Variants in PSMD1 observed in about 807,000 individuals in gnomAD.
PSMD1 encodes proteasome 26S subunit, non-ATPase 1, also known as 26S proteasome non-ATPase regulatory subunit 1.
PSMD1 carries 18 observed loss-of-function variants against 119.0 expected under a neutral mutation model. That is an observed-to-expected ratio of 0.15 (90% CI 0.10 to 0.22). PSMD1 has a LOEUF of 0.22. Among genes scored for constraint, PSMD1 ranks in the 10% least tolerant of loss-of-function variants. The probability of loss-of-function intolerance (pLI) is 1.00; values close to 1 mark genes in which losing one functional copy is unlikely to be tolerated. For missense variants in PSMD1, 702 were observed against 1,158.5 expected (o/e 0.61, Z 5.72); for synonymous variants, 374 against 396.6 (o/e 0.94, Z 0.68).
At chr2:231,138,558 G>A (rs1422408264) in intron 16 of PSMD1, among the ~76,000 whole-genome samples, 178 bp from the exon 17 acceptor site, 1 of 152,128 alleles carries the variant, frequency 6.6e-6, no homozygotes, top group Non-Finnish European at 1.5e-5. Context: ...GAATATTGAA[G>A]ATCAGATTTC....
chr2:231,149,109 T>C (rs1158606513), intron 18 of PSMD1, among the ~76,000 whole-genome samples: 1 of 152,238 alleles, frequency 6.6e-6, no homozygotes, highest in Non-Finnish European at 1.5e-5. Context: ...TAACCATTAA[T>C]ATATGTCACA....
chr2:231,061,455 G>A, intron 2 of PSMD1, 145 bp downstream of exon 2: 1 of 551,118 alleles, frequency 1.8e-6, no homozygotes, highest in East Asian at 3.3e-5. Context: ...AGAGAGGACA[G>A]TATTTTGGCC....
rs903692779 is a variant in PSMD1 at position 231,128,706 on chromosome 2, A to G, written c.1884-10030A>G. Among the ~76,000 whole-genome samples the G allele has an allele frequency of 3.3e-5, 5 of 152,240 alleles. No homozygotes were observed. The East Asian group carries it at 5.8e-4, about 18-fold the overall frequency. On this transcript the variant is annotated intron_variant, in intron 16 of 24. Transcript: ENST00000308696. Reference sequence around the variant, plus strand: ...GTCTGTGTTGCTTCCTCTGGCATTAACAGCCTATACCAGGAGTGTGATAGG... The same window carrying G: ...GTCTGTGTTGCTTCCTCTGGCATTAGCAGCCTATACCAGGAGTGTGATAGG...
At chr2:231,116,246 A>G (rs1695327242) in intron 16 of PSMD1, among the ~76,000 whole-genome samples, 1 of 152,190 alleles carries the variant, frequency 6.6e-6, no homozygotes, top group African/African-American at 2.4e-5. Context: ...TTTGCAGTGG[A>G]AACTACTAAA....
At position 231,161,331 on chromosome 2, in the gene PSMD1, T is replaced by C; in HGVS notation, c.2219-9T>C. 2 of 1,592,132 alleles carry C rather than the reference T, an allele frequency of 1.3e-6. No individual in the cohort carries two copies. The highest frequency in any genetic ancestry group is 1.7e-6 in the Non-Finnish European group (2 of 1,167,150). On this transcript the variant is annotated splice_polypyrimidine_tract_variant and intron_variant, in intron 19 of 24. Coordinates refer to ENST00000308696, the MANE Select transcript of PSMD1 (RefSeq NM_002807.4). ...TATTATTGTTCATGGTTTCTCTCTT[T>C]TTCTACAGGTGGTCATAATGTCACA...
intron 11 of PSMD1, among the ~76,000 whole-genome samples, 156 bp from the exon 12 acceptor site, chr2:231,079,985 T>G (rs1206839775): frequency 6.6e-6 from 1 of 152,204 alleles, no homozygotes; most frequent in Non-Finnish European, 1.5e-5. Context: ...CTTGTCCTCT[T>G]GTTTGAGTTA....
intron 23 of PSMD1, among the ~76,000 whole-genome samples, chr2:231,167,497 A>C (rs1696815545): frequency 6.6e-6 from 1 of 152,228 alleles, no homozygotes; most frequent in Non-Finnish European, 1.5e-5. Flanking sequence ...CAGTTGGTCC[A>C]CCTATGAATT....
chr2:231,165,356 G>A (rs1696752624), intron 22 of PSMD1, 70 bp downstream of exon 22: 2 of 1,449,970 alleles, frequency 1.4e-6, no homozygotes, highest in South Asian at 2.7e-5. Flanking sequence ...TTCTTCCTTA[G>A]TTGAATATTA....
At chr2:231,161,948 C>T (rs943701152) in intron 20 of PSMD1, among the ~76,000 whole-genome samples, 1 of 152,164 alleles carries the variant, frequency 6.6e-6, no homozygotes, top group Non-Finnish European at 1.5e-5. Flanking sequence ...AGAATGCAAA[C>T]CTAAACTAAA....
At chr2:231,080,117 C>G (rs769924489) in intron 11 of PSMD1, 24 bp from the exon 12 acceptor site, 2 of 1,567,330 alleles carry the variant, frequency 1.3e-6, no homozygotes, top group East Asian at 4.5e-5. Context: ...TTTTTGATGT[C>G]TTTGTTATGA....
chr2:231,061,286 G>A lies in PSMD1; in HGVS notation c.36G>A (p.Leu12=). 1 of 1,596,778 alleles carries A rather than the reference G, an allele frequency of 6.3e-7. No individual in the cohort carries two copies. Residue 12 remains leucine (L), a synonymous_variant, in exon 2 of 25, where the codon CTG becomes CTA. Coordinates refer to ENST00000308696, the MANE Select transcript of PSMD1 (RefSeq NM_002807.4). ...TCATAGCTGGAATTATTTCTCTTCT[G>A]GATGAAGATGAACCACAGCTTAAGG... ...ITSAAGIISL[L]DEDEPQLKEF...
At chr2:231,114,611 T>C (rs935967284) in intron 16 of PSMD1, among the ~76,000 whole-genome samples, 5 of 152,224 alleles carry the variant, frequency 3.3e-5, no homozygotes, top group African/African-American at 9.6e-5. Flanking sequence ...GTACAGACTT[T>C]TGATTTGAAA....
At chr2:231,171,188 AT>A (rs553000080) in intron 24 of PSMD1, among the ~76,000 whole-genome samples, 2 of 152,092 alleles carry the variant, frequency 1.3e-5, no homozygotes, top group African/African-American at 4.8e-5. Context: ...CTTCTCACTG[AT>A]TTTTCTCTCT....
At chr2:231,135,795 T>C (rs1458382371) in intron 16 of PSMD1, among the ~76,000 whole-genome samples, 1 of 152,214 alleles carries the variant, frequency 6.6e-6, no homozygotes, top group Middle Eastern at 3.2e-3. Context: ...CCATACTGTT[T>C]CTAATAATAC....
chr2:231,059,547 G>A (rs1360279671), intron 1 of PSMD1, among the ~76,000 whole-genome samples: 4 of 152,096 alleles, frequency 2.6e-5, no homozygotes, highest in Non-Finnish European at 5.9e-5. Context: ...GTGGGTTGGT[G>A]TTTTCTTTTT....
chr2:231,116,263 G>A (rs2125219394), intron 16 of PSMD1, among the ~76,000 whole-genome samples: 1 of 152,088 alleles, frequency 6.6e-6, no homozygotes, highest in East Asian at 1.9e-4. Flanking sequence ...TAAAAATGAG[G>A]GTACATCTTG....
chr2:231,145,869 G>A (rs79318913), intron 17 of PSMD1, among the ~76,000 whole-genome samples: 11,813 of 140,238 alleles, frequency 0.084, 619 homozygotes, highest in South Asian at 0.2. Context: ...CTCCAGTCTG[G>A]GTGACAAGAG....
At chr2:231,074,632 C>A (rs1694118028) in intron 7 of PSMD1, among the ~76,000 whole-genome samples, 1 of 151,854 alleles carries the variant, frequency 6.6e-6, no homozygotes, top group Non-Finnish European at 1.5e-5. Flanking sequence ...TTCCTAATTT[C>A]TCTTGTTTTG....
intron 4 of PSMD1, among the ~76,000 whole-genome samples, chr2:231,066,613 A>G (rs1693915229): frequency 6.6e-6 from 1 of 152,204 alleles, no homozygotes; most frequent in African/African-American, 2.4e-5. Flanking sequence ...TCCTGGGCTC[A>G]TGTGATCCTC....
Sources: gnomAD v4.1 joint callset for allele counts (sites outside exome capture counted in the v4.1 genomes callset) on GRCh38, gnomAD v4.1.1 for gene constraint, MANE v1.5 for transcripts, NCBI Gene and HGNC (gene_info 2026-07-23, HGNC 2026-07-21) for gene names.